ASB1: variants seen among roughly 807,000 people sequenced by gnomAD.
ASB1 encodes the protein ankyrin repeat and SOCS box containing 1, also known as ankyrin repeat and SOCS box protein 1.
Under a neutral mutation model 27.7 loss-of-function variants are expected in ASB1, and 18 were observed. That is an observed-to-expected ratio of 0.65 (90% CI 0.45 to 0.96). The LOEUF is 0.96. Ranked by LOEUF, ASB1 falls within the 50% of genes least tolerant of loss-of-function variation. The pLI is 0.00. For synonymous variants in ASB1, 189 were observed against 187.6 expected, an observed-to-expected ratio of 1.01 and a Z score of -0.06; for missense variants, 397 against 451.7, an observed-to-expected ratio of 0.88 and a Z score of 1.10.
Position 238,452,006 on chromosome 2 carries a change from G to A in ASB1, c.*5495G>A, listed in dbSNP as rs1452820692. ...AGCCTGTTCTACGTAGTGGCTCGTG[G>A]TTTCCAGTTTGAAGAGAGTTGTGCC... is the stretch of plus-strand genomic sequence containing the variant. On this transcript the variant is annotated 3_prime_UTR_variant, in exon 5 of 5. Transcript: ENST00000264607. The A allele has an allele frequency of 1.3e-5, 2 of 152,172 alleles. No homozygotes were observed. The highest frequency in any genetic ancestry group is 2.9e-5 in the Non-Finnish European group (2 of 68,042). 9.4% of individuals were successfully genotyped at this position (152,172 alleles called of 1,614,324 possible).
intron 3 of ASB1, among the ~76,000 whole-genome samples, chr2:238,436,776 T>TC (rs1701981579): frequency 9.4e-6 from 1 of 105,842 alleles, no homozygotes; most frequent in Non-Finnish European, 2.3e-5. Context: ...CTCTCTCTCT[T>TC]TTTTTTTTTT....
intron 3 of ASB1, among the ~76,000 whole-genome samples, chr2:238,439,702 G>A (rs1271382332): frequency 3.3e-5 from 5 of 152,162 alleles, no homozygotes; most frequent in Non-Finnish European, 5.9e-5. Context: ...CATGTCATGC[G>A]TTTTGGGCAG....
intron 1 of ASB1, among the ~76,000 whole-genome samples, chr2:238,432,073 A>G (rs1701881300): frequency 6.6e-6 from 1 of 152,200 alleles, no homozygotes; most frequent in African/African-American, 2.4e-5. Context: ...AGTGAAATGC[A>G]GTGAAATGAA....
chr2:238,441,002 A>G (rs1702068407), intron 3 of ASB1, among the ~76,000 whole-genome samples: 1 of 152,172 alleles, frequency 6.6e-6, no homozygotes, highest in Non-Finnish European at 1.5e-5. Flanking sequence ...GGTGAACGTG[A>G]CGCTGGGAGT....
intron 2 of ASB1, 102 bp downstream of exon 2, chr2:238,433,797 G>C: frequency 7.2e-7 from 1 of 1,382,466 alleles, no homozygotes; most frequent in South Asian, 1.3e-5. Context: ...TTGATGTTGG[G>C]AGGAATGTGT....
At chr2:238,441,911 CCA>C (rs1199554925) in intron 3 of ASB1, among the ~76,000 whole-genome samples, 1 of 152,216 alleles carries the variant, frequency 6.6e-6, no homozygotes, top group Non-Finnish European at 1.5e-5. Context: ...ATTGCCCACT[CCA>C]CAGGGGGAAA....
At chr2:238,432,696 G>C (rs1286423147) in intron 1 of ASB1, among the ~76,000 whole-genome samples, 1 of 152,140 alleles carries the variant, frequency 6.6e-6, no homozygotes, top group South Asian at 2.1e-4. Flanking sequence ...TAAGATATTT[G>C]CTAGATTCTT....
At chr2:238,444,979 C>CTTTTTT (rs34563680) in intron 4 of ASB1, among the ~76,000 whole-genome samples, 3 of 117,890 alleles carry the variant, frequency 2.5e-5, no homozygotes, top group Non-Finnish European at 5.1e-5. Flanking sequence ...CTCGCGCTCT[C>CTTTTTT]TTTTTTTTTT....
chr2:238,430,097 G>A (rs1701839645), intron 1 of ASB1, among the ~76,000 whole-genome samples: 1 of 152,166 alleles, frequency 6.6e-6, no homozygotes. Flanking sequence ...AGTATTGATG[G>A]CTCCTGACTT....
In ASB1 at chr2:238,446,735, T is replaced by C. The variant is rs1702188683; in HGVS notation, c.*224T>C. The C allele has an allele frequency of 1.9e-6, 1 of 536,286 alleles. No individual in the cohort carries two copies. Among genetic ancestry groups the C allele is most frequent in the East Asian group, 3.6e-5 (1 of 28,012 alleles). The allele number at this position is 536,286 out of a possible 1,614,324, so 33.2% of individuals were successfully genotyped here. A position where few individuals can be genotyped will look rare whatever the true frequency, so the allele number is the denominator to read the frequency against. On this transcript the variant is annotated 3_prime_UTR_variant, in exon 5 of 5. Coordinates refer to ENST00000264607, the MANE Select transcript of ASB1 (RefSeq NM_001040445.3). The stretch of plus-strand genomic sequence containing the variant: ...AAAGTTATTATTGTTTTTCCCAAGT[T>C]CTCTGTTCTGGATTTTCAGTTGCAT...
In ASB1 at chr2:238,429,230, G is replaced by C. The variant is rs561023690; in HGVS notation, c.49+2111G>C. ...TCTGGAAAGAGCCCCCTTATGGAGGGGGTGCTTTATACCTGCCTGTCTGGT... is the reference window on the plus strand; with the variant it reads ...TCTGGAAAGAGCCCCCTTATGGAGGCGGTGCTTTATACCTGCCTGTCTGGT... On this transcript the variant is annotated intron_variant, in intron 1 of 4. Transcript: ENST00000264607. 3.3e-5 allele frequency among the ~76,000 whole-genome samples: 5 copies of C among 152,298 alleles called. No individual in the cohort carries two copies. In the East Asian group the frequency reaches 9.6e-4, roughly 29 times the overall value.
intron 1 of ASB1, among the ~76,000 whole-genome samples, chr2:238,428,041 G>A (rs1322656742): frequency 6.6e-6 from 1 of 152,172 alleles, no homozygotes; most frequent in East Asian, 1.9e-4. Context: ...TTGAAGACCT[G>A]CTGTTGGCTA....
chr2:238,427,144 C>G, intron 1 of ASB1, 25 bp downstream of exon 1: 1 of 1,238,034 alleles, frequency 8.1e-7, no homozygotes, highest in Non-Finnish European at 1.0e-6. Context: ...GCCACTGGGC[C>G]GCGGGGCGTG....
At chr2:238,439,161 A>G (rs1291143664) in intron 3 of ASB1, among the ~76,000 whole-genome samples, 1 of 152,204 alleles carries the variant, frequency 6.6e-6, no homozygotes, top group Non-Finnish European at 1.5e-5. Context: ...GAAATGAAAT[A>G]TCAATTTCTT....
chr2:238,438,576 G>A (rs890271733), intron 3 of ASB1, among the ~76,000 whole-genome samples: 2 of 152,210 alleles, frequency 1.3e-5, no homozygotes, highest in African/African-American at 4.8e-5. Flanking sequence ...CTTTCACAAG[G>A]TGGTACCAAG....
chr2:238,445,283 T>TTA (rs1702157931), intron 4 of ASB1, among the ~76,000 whole-genome samples: 1 of 151,928 alleles, frequency 6.6e-6, no homozygotes, highest in South Asian at 2.1e-4. Context: ...TGGCCTAGAG[T>TTA]TATATTCTCT....
Position 238,427,066 on chromosome 2 carries a change from C to T in ASB1, c.-5C>T, listed in dbSNP as rs1328638173. The T allele has an allele frequency of 7.9e-7, 1 of 1,262,094 alleles. No homozygotes were observed. Among genetic ancestry groups the T allele is most frequent in the Non-Finnish European group, 1.0e-6 (1 of 1,004,680 alleles). 78.2% of individuals were successfully genotyped at this position (1,262,094 alleles called of 1,614,324 possible). A position where few individuals can be genotyped will look rare whatever the true frequency, so the allele number is the denominator to read the frequency against. On this transcript the variant is annotated 5_prime_UTR_variant, in exon 1 of 5. Coordinates refer to ENST00000264607, the MANE Select transcript of ASB1 (RefSeq NM_001040445.3). Reference sequence around the variant, plus strand: ...TCAGGGGCGGCCGCGGAGGCGGAAGCATCCATGGCGGAGGGCGGCAGCCCA... The same window carrying T: ...TCAGGGGCGGCCGCGGAGGCGGAAGTATCCATGGCGGAGGGCGGCAGCCCA...
chr2:238,427,377 G>C (rs1437815628), intron 1 of ASB1: 4 of 367,646 alleles, frequency 1.1e-5, no homozygotes, highest in African/African-American at 2.1e-5. Flanking sequence ...GAACTTGCTC[G>C]TAACTTCCTT....
rs1393533842 is a variant in ASB1 at position 238,446,704 on chromosome 2, T to C, written c.*193T>C. 2 of 615,076 alleles carry C rather than the reference T, an allele frequency of 3.3e-6. No homozygotes were observed. Among genetic ancestry groups the C allele is most frequent in the Non-Finnish European group, 5.6e-6 (2 of 357,314 alleles). The allele number at this position is 615,076 out of a possible 1,614,324, so 38.1% of individuals were successfully genotyped here. ...TTGGGTCATTGTCAGCTGAGAGGCT[T>C]ATACTAAAGTTATTATTGTTTTTCC... On this transcript the variant is annotated 3_prime_UTR_variant, in exon 5 of 5. Coordinates refer to ENST00000264607, the MANE Select transcript of ASB1 (RefSeq NM_001040445.3).
Sources: gnomAD v4.1 joint callset for allele counts (sites outside exome capture counted in the v4.1 genomes callset) on GRCh38, gnomAD v4.1.1 for gene constraint, MANE v1.5 for transcripts, NCBI Gene and HGNC (gene_info 2026-07-23, HGNC 2026-07-21) for gene names.